IMMP2L: variants seen among roughly 807,000 people sequenced by gnomAD.
IMMP2L encodes the protein mitochondrial inner membrane protease subunit 2.
IMMP2L carries 18 observed loss-of-function variants against 19.3 expected under a neutral mutation model. The observed-to-expected ratio is 0.93, with a 90% CI of 0.64 to 1.38. The LOEUF is 1.38. IMMP2L is among the 40% of genes most tolerant of loss of function. IMMP2L has a pLI of 0.00. For synonymous variants in IMMP2L, 76 were observed against 73.0 expected (o/e 1.04, Z -0.21); for missense variants, 233 against 218.2 (o/e 1.07, Z -0.43).
intron 4 of IMMP2L, among the ~76,000 whole-genome samples, chr7:110,940,119 C>T (rs1816571915): frequency 6.6e-6 from 1 of 151,966 alleles, no homozygotes; most frequent in Admixed American, 6.6e-5. Flanking sequence ...GAGTTTCAGA[C>T]CAGCCTGGCC....
chr7:111,339,170 G>T (rs1826762061), intron 3 of IMMP2L, among the ~76,000 whole-genome samples: 1 of 151,968 alleles, frequency 6.6e-6, no homozygotes, highest in Admixed American at 6.6e-5. Context: ...AAAGGTCACT[G>T]GATGTCAGAA....
chr7:110,668,399 T>G (rs1020997658), intron 5 of IMMP2L, among the ~76,000 whole-genome samples: 4 of 152,202 alleles, frequency 2.6e-5, no homozygotes, highest in Non-Finnish European at 5.9e-5. Context: ...CTCCATCTCT[T>G]CTACAATAAC....
At chr7:110,746,327 G>A (rs1416447250) in intron 5 of IMMP2L, among the ~76,000 whole-genome samples, 1 of 152,100 alleles carries the variant, frequency 6.6e-6, no homozygotes, top group Non-Finnish European at 1.5e-5. Flanking sequence ...ATACCCCACT[G>A]TCAACATTAG....
At chr7:110,787,726 C>T (rs906557542) in intron 5 of IMMP2L, among the ~76,000 whole-genome samples, 2 of 151,860 alleles carry the variant, frequency 1.3e-5, no homozygotes, top group Non-Finnish European at 2.9e-5. Context: ...TCTGAATACG[C>T]TTTATATGTC....
At chr7:111,038,086 C>T (rs1251209418) in intron 3 of IMMP2L, among the ~76,000 whole-genome samples, 1 of 151,990 alleles carries the variant, frequency 6.6e-6, no homozygotes, top group South Asian at 2.1e-4. Flanking sequence ...CAATGAAGAA[C>T]CTTAATTTGA....
intron 4 of IMMP2L, chr7:110,962,363 T>A (rs376345603): frequency 5.3e-5 from 8 of 152,138 alleles, no homozygotes; most frequent in African/African-American, 1.7e-4. Context: ...TAAACCCTTA[T>A]GTTAACAAAA....
At chr7:111,121,928 G>A (rs1586420790) in intron 3 of IMMP2L, among the ~76,000 whole-genome samples, 1 of 152,128 alleles carries the variant, frequency 6.6e-6, no homozygotes, top group African/African-American at 2.4e-5. Context: ...GTCCTTTGTA[G>A]GGACATGGAT....
At chr7:111,172,257 T>C (rs540231098) in intron 3 of IMMP2L, among the ~76,000 whole-genome samples, 2 of 151,566 alleles carry the variant, frequency 1.3e-5, no homozygotes, top group South Asian at 2.1e-4. Context: ...TTTCGAGACA[T>C]AAGAAAGGAA....
chr7:110,747,149 G>A (rs1562952848), intron 5 of IMMP2L, among the ~76,000 whole-genome samples: 1 of 152,094 alleles, frequency 6.6e-6, no homozygotes, highest in African/African-American at 2.4e-5. Context: ...AGAAAATCTA[G>A]AAGAAATAGG....
At position 110,997,890 on chromosome 7, in the gene IMMP2L, C is replaced by T. The variant is rs564217438; in HGVS notation, c.240-34325G>A. ...ATATATACATGTGGAAGATTCAGAACTTGCCAAGTTCTTCTAATACCGGAT... is the reference window on the plus strand; with the variant it reads ...ATATATACATGTGGAAGATTCAGAATTTGCCAAGTTCTTCTAATACCGGAT... On this transcript the variant is annotated intron_variant, in intron 3 of 5. Coordinates refer to ENST00000405709, the MANE Select transcript of IMMP2L (RefSeq NM_032549.4). Among the ~76,000 whole-genome samples, 9 of 152,222 alleles carry T rather than the reference C, an allele frequency of 5.9e-5. No individual in the cohort carries two copies. The South Asian group carries it at 1.9e-3, about 32-fold the overall frequency.
chr7:110,836,634 G>T (rs1464369845), intron 5 of IMMP2L, among the ~76,000 whole-genome samples: 2 of 152,046 alleles, frequency 1.3e-5, no homozygotes. Context: ...TTTATCAGCA[G>T]TGTGAAAACA....
At chr7:110,717,604 A>AAT (rs1795310819) in intron 5 of IMMP2L, among the ~76,000 whole-genome samples, 1 of 152,260 alleles carries the variant, frequency 6.6e-6, no homozygotes. Context: ...CCATTTGTTA[A>AAT]ATAAATGAAC....
At chr7:111,462,907 A>C (rs1285151018) in intron 3 of IMMP2L, among the ~76,000 whole-genome samples, 2 of 152,190 alleles carry the variant, frequency 1.3e-5, no homozygotes, top group East Asian at 3.8e-4. Context: ...AAATCTGATC[A>C]ATAAAGAACT....
chr7:110,727,854 T>C lies in IMMP2L; in HGVS notation c.409-64133A>G, dbSNP rs1329122233. ...TTCACCGAGTGGATTTAAACAGATA[T>C]GAGGTAAATTTTTACAAATAATTAC... On this transcript the variant is annotated intron_variant, in intron 5 of 5. Coordinates refer to ENST00000405709, the MANE Select transcript of IMMP2L (RefSeq NM_032549.4). This position sits in a 1 kb window ranked among gnomAD's most constrained non-coding sequence, Gnocchi z 4.3. 1.3e-5 allele frequency among the ~76,000 whole-genome samples: 2 copies of C among 152,188 alleles called. No homozygotes were observed. The highest frequency in any genetic ancestry group is 2.9e-5 in the Non-Finnish European group (2 of 68,026).
chr7:111,039,587 C>T (rs1791684261), intron 3 of IMMP2L, among the ~76,000 whole-genome samples: 1 of 152,052 alleles, frequency 6.6e-6, no homozygotes, highest in Admixed American at 6.6e-5. Context: ...AGTGAGCTCT[C>T]CCCCCTTTGT....
chr7:111,363,861 C>G (rs781641254), intron 3 of IMMP2L, among the ~76,000 whole-genome samples: 4 of 152,088 alleles, frequency 2.6e-5, no homozygotes, highest in Non-Finnish European at 5.9e-5. Context: ...GTACACACCA[C>G]GTGGTTTTAT....
chr7:110,888,422 C>G lies in IMMP2L; in HGVS notation c.306-1727G>C, dbSNP rs540130430. On this transcript the variant is annotated intron_variant, in intron 4 of 5. Coordinates refer to ENST00000405709, the MANE Select transcript of IMMP2L (RefSeq NM_032549.4). The stretch of plus-strand genomic sequence containing the variant: ...CCAAACGTTTGTTCACCTTATTAAG[C>G]TGGGTATTCTGGATAAATGCTCAGA... Among the ~76,000 whole-genome samples the G allele has an allele frequency of 2.6e-5, 4 of 152,258 alleles. No homozygotes were observed. The South Asian group carries it at 8.3e-4, about 32-fold the overall frequency.
In IMMP2L at chr7:111,375,163, G is replaced by A. The variant is rs569405704; in HGVS notation, c.239+112075C>T. Among the ~76,000 whole-genome samples, 8 of 152,108 alleles carry A rather than the reference G, an allele frequency of 5.3e-5. No individual in the cohort carries two copies. The East Asian group carries it at 9.7e-4, about 18-fold the overall frequency. On this transcript the variant is annotated intron_variant, in intron 3 of 5. Coordinates refer to ENST00000405709, the MANE Select transcript of IMMP2L (RefSeq NM_032549.4). ...CTAAAAGTACTCACACACTGATGCC[G>A]TATTTGCCAAACATTAAAAGGAACA... is the stretch of plus-strand genomic sequence containing the variant.
chr7:111,258,509 C>CT (rs978805162), intron 3 of IMMP2L, among the ~76,000 whole-genome samples: 1 of 151,930 alleles, frequency 6.6e-6, no homozygotes, highest in African/African-American at 2.4e-5. Flanking sequence ...TTTAATTTTA[C>CT]TTTTTTTATT....
Sources: allele counts gnomAD v4.1 joint callset (sites outside exome capture counted in the v4.1 genomes callset), GRCh38; gene constraint gnomAD v4.1.1; non-coding constraint Gnocchi (gnomAD v3.1); transcripts MANE v1.5; gene names NCBI Gene and HGNC (gene_info 2026-07-23, HGNC 2026-07-21).